Variants in SIK3 observed in about 807,000 individuals in gnomAD.
SIK3 encodes the protein SIK family kinase 3.
In SIK3, 28 loss-of-function variants were observed where a neutral mutation model predicts 144.2. The ratio of observed to expected loss-of-function variants is 0.19; its 90% CI spans 0.14 to 0.27. The LOEUF (loss-of-function observed/expected upper bound fraction) is 0.27. Ranked by LOEUF, SIK3 falls within the 10% of genes least tolerant of loss-of-function variation. The pLI, the probability that SIK3 is intolerant of heterozygous loss-of-function variation, is 1.00. For synonymous variants in SIK3, 686 were observed against 676.3 expected, an observed-to-expected ratio of 1.01 and a Z score of -0.22; for missense variants, 1,319 against 1,776.0, an observed-to-expected ratio of 0.74 and a Z score of 4.62.
At chr11:116,855,936 G>A (rs1317451473) in intron 21 of SIK3, among the ~76,000 whole-genome samples, 4 of 152,190 alleles carry the variant, frequency 2.6e-5, no homozygotes, top group African/African-American at 9.7e-5. Context: ...GGTGGCTCAT[G>A]CCTGTAATCC....
chr11:116,957,088 A>T, intron 1 of SIK3, 24 bp from the exon 2 acceptor site: 2 of 1,362,836 alleles, frequency 1.5e-6, no homozygotes, highest in South Asian at 2.7e-5. Context: ...GAAAAAAATT[A>T]CTCTGATGCA....
chr11:116,948,443 A>G (rs1322009648), intron 3 of SIK3, among the ~76,000 whole-genome samples: 1 of 151,930 alleles, frequency 6.6e-6, no homozygotes, highest in Non-Finnish European at 1.5e-5. Flanking sequence ...ACATCCGGCT[A>G]ATTTTTTATG....
rs1218529495 is a variant in SIK3, at chr11:116,849,778, A to T, written c.3656-495T>A. Among the ~76,000 whole-genome samples the T allele has an allele frequency of 6.6e-6, 1 of 151,954 alleles. No individual in the cohort carries two copies. Among genetic ancestry groups the T allele is most frequent in the Non-Finnish European group, 1.5e-5 (1 of 67,992 alleles). The stretch of plus-strand genomic sequence containing the variant: ...GATGGCCCCTCCACCCTTTCTAAGC[A>T]AGTACTCTCCACATTTTTGTCCTTG... On this transcript the variant is annotated intron_variant, in intron 21 of 24. Coordinates refer to ENST00000445177, the MANE Select transcript of SIK3 (RefSeq NM_001366686.3). This position sits in a 1 kb window ranked among gnomAD's most constrained non-coding sequence, Gnocchi z 4.2.
intron 1 of SIK3, among the ~76,000 whole-genome samples, chr11:116,962,766 T>C (rs1194923231): frequency 2.0e-5 from 3 of 152,160 alleles, no homozygotes; most frequent in South Asian, 2.1e-4. Context: ...ATTTCAAAGA[T>C]AGTAATATAA....
At chr11:116,915,681 T>C (rs191092534) in intron 4 of SIK3, among the ~76,000 whole-genome samples, 13 of 152,310 alleles carry the variant, frequency 8.5e-5, no homozygotes, top group East Asian at 3.9e-4. Flanking sequence ...CTTGAGGCCC[T>C]AGAAACAATT....
chr11:116,988,360 C>G (rs143491990), intron 1 of SIK3, among the ~76,000 whole-genome samples: 1 of 149,182 alleles, frequency 6.7e-6, no homozygotes, highest in Admixed American at 6.7e-5. Flanking sequence ...CACTCCAGCC[C>G]GGGCAACAGA....
intron 3 of SIK3, chr11:116,950,152 G>A (rs556328064): frequency 4.5e-5 from 21 of 470,974 alleles, no homozygotes; most frequent in Non-Finnish European, 1.8e-5. Flanking sequence ...TTCCACAAGT[G>A]GGGGCTGAGT....
Position 116,874,065 on chromosome 11 carries a change from A to G in SIK3, c.1428-9T>C, listed in dbSNP as rs1944115762. 1 of 1,612,448 alleles carries G rather than the reference A, an allele frequency of 6.2e-7. No individual in the cohort carries two copies. The highest frequency in any genetic ancestry group is 1.3e-5 in the African/African-American group (1 of 74,830). ...CTTCCATAACTTCCGTGCTGATACA[A>G]AACAGAATGACAGAGAAGTTTAGTT... is the stretch of plus-strand genomic sequence containing the variant. On this transcript the variant is annotated splice_polypyrimidine_tract_variant and intron_variant, in intron 11 of 24. Coordinates refer to ENST00000445177, the MANE Select transcript of SIK3 (RefSeq NM_001366686.3).
intron 2 of SIK3, among the ~76,000 whole-genome samples, chr11:116,954,879 T>C (rs1454105761): frequency 6.6e-6 from 1 of 152,226 alleles, no homozygotes; most frequent in Non-Finnish European, 1.5e-5. Context: ...GCTTATTGTA[T>C]ATCTTTCTAC....
At chr11:116,903,263 C>T (rs1382820397) in intron 4 of SIK3, among the ~76,000 whole-genome samples, 1 of 152,114 alleles carries the variant, frequency 6.6e-6, no homozygotes. Flanking sequence ...TTTTGCTGCA[C>T]ATTTTAAGAG....
chr11:116,936,679 A>G (rs1222210424), intron 3 of SIK3, among the ~76,000 whole-genome samples: 3 of 152,184 alleles, frequency 2.0e-5, no homozygotes, highest in African/African-American at 4.8e-5. Flanking sequence ...TCTATCCTTC[A>G]GGTTTCCCTT....
rs1943472193 is a variant in SIK3, at chr11:116,863,668, C to T, written c.2103G>A (p.Gln701=). 1 of 1,614,138 alleles carries T rather than the reference C, an allele frequency of 6.2e-7. No homozygotes were observed. Among genetic ancestry groups the T allele is most frequent in the East Asian group, 2.2e-5 (1 of 44,886 alleles). ...GGATGCCTGCCACCTCTTCCATTAC[C>T]TGCTGCAGCTGTTTGATGCTGCTGT... ...GNNSSIKQLQ[Q]ECEQLQKMYG... is the part of the protein sequence containing the mutation. Residue 701 remains glutamine (Q), a splice_region_variant and synonymous_variant, in exon 16 of 25, where the codon CAG becomes CAA. Transcript: ENST00000445177.
chr11:116,848,582 C>G (rs1942182984), intron 22 of SIK3, among the ~76,000 whole-genome samples: 1 of 152,128 alleles, frequency 6.6e-6, no homozygotes, highest in African/African-American at 2.4e-5. Flanking sequence ...TTGCTGGGGC[C>G]TGAGTTTAGA....
In SIK3 at chr11:116,875,058, G is replaced by A. The variant is rs925943430; in HGVS notation, c.1427+100C>T. 6.9e-6 allele frequency: 6 copies of A among 875,230 alleles called. No homozygotes were observed. The African/African-American group carries it at 8.3e-5, about 12-fold the overall frequency. 54.2% of individuals were successfully genotyped at this position (875,230 alleles called of 1,614,324 possible). A position where few individuals can be genotyped will look rare whatever the true frequency, so the allele number is the denominator to read the frequency against. On this transcript the variant is annotated intron_variant, in intron 11 of 24. Transcript: ENST00000445177. ...TTGGCCACTGGATTAGATCTCCTCT[G>A]GGGATACAATGTAGTAGGAAATGTG...
At chr11:117,031,117 T>C (rs1952238536) in intron 1 of SIK3, among the ~76,000 whole-genome samples, 1 of 152,212 alleles carries the variant, frequency 6.6e-6, no homozygotes, top group African/African-American at 2.4e-5. Flanking sequence ...TTTCAGCCTT[T>C]TAACATGGTC....
rs933610268 is a variant in SIK3 at position 116,846,871 on chromosome 11, A to C, written c.3953-318T>G. ...AGAAAGGATCACCTCTTAAAGAGTGAAAGGGAGAATAATTTTACTGCCTGC... is the reference window on the plus strand; with the variant it reads ...AGAAAGGATCACCTCTTAAAGAGTGCAAGGGAGAATAATTTTACTGCCTGC... On this transcript the variant is annotated intron_variant, in intron 23 of 24. Coordinates refer to ENST00000445177, the MANE Select transcript of SIK3 (RefSeq NM_001366686.3). This position sits in a 1 kb window ranked among gnomAD's most constrained non-coding sequence, Gnocchi z 4.1. Among the ~76,000 whole-genome samples the C allele has an allele frequency of 2.0e-5, 3 of 152,254 alleles. No homozygotes were observed. Among genetic ancestry groups the C allele is most frequent in the Non-Finnish European group, 4.4e-5 (3 of 68,040 alleles).
intron 3 of SIK3, among the ~76,000 whole-genome samples, chr11:116,948,873 ATAT>A (rs1360707288): frequency 2.0e-5 from 3 of 152,266 alleles, no homozygotes; most frequent in East Asian, 3.9e-4. Flanking sequence ...GAAATAACAA[ATAT>A]TATAGCAGAA....
chr11:116,876,354 C>T lies in SIK3; in HGVS notation c.994G>A (p.Glu332Lys), dbSNP rs1944254085. Residue 332 changes from glutamate (E) to lysine (K), a missense_variant, in exon 8 of 25, where the codon GAA (glutamate) becomes AAA (lysine). Physicochemically the swap from Glu to Lys is moderately conservative, Grantham distance 56. Coordinates refer to ENST00000445177, the MANE Select transcript of SIK3 (RefSeq NM_001366686.3). The stretch of plus-strand genomic sequence containing the variant: ...CTTTCTTCCTTTAGTTGTTGGCATT[C>T]AGCTATTAACTGTAACATAAAAAGG... The part of the protein sequence containing the change: ...ADPNFDRLIA[E>K]CQQLKEERQV... The T allele has an allele frequency of 1.2e-6, 2 of 1,613,242 alleles. No homozygotes were observed. The highest frequency in any genetic ancestry group is 1.7e-6 in the Non-Finnish European group (2 of 1,179,232).
intron 1 of SIK3, among the ~76,000 whole-genome samples, chr11:116,994,564 A>G (rs748825604): frequency 1.3e-5 from 2 of 152,176 alleles, no homozygotes; most frequent in Admixed American, 1.3e-4. Context: ...GATTCATGAC[A>G]AAAAGTGCTT....
Sources: allele counts gnomAD v4.1 joint callset (sites outside exome capture counted in the v4.1 genomes callset), GRCh38; gene constraint gnomAD v4.1.1; non-coding constraint Gnocchi (gnomAD v3.1); transcripts MANE v1.5; gene names NCBI Gene and HGNC (gene_info 2026-07-23, HGNC 2026-07-21).